The following PTPRD variants were observed in gnomAD, a reference collection of about 807,000 sequenced individuals.
The protein encoded by PTPRD is receptor-type tyrosine-protein phosphatase delta.
A neutral mutation model predicts 214.5 loss-of-function variants in PTPRD; 34 were observed. The ratio of observed to expected loss-of-function variants is 0.16; its 90% CI spans 0.12 to 0.21. The LOEUF is 0.21. Ranked by LOEUF, PTPRD falls within the 10% of genes least tolerant of loss-of-function variation. The probability of loss-of-function intolerance (pLI) is 1.00; values close to 1 mark genes in which losing one functional copy is unlikely to be tolerated. For synonymous variants in PTPRD, 1,128 were observed against 845.7 expected (o/e 1.33, Z -5.79); for missense variants, 2,545 against 2,398.7 (o/e 1.06, Z -1.27).
At chr9:8,382,348 C>T (rs1280696905) in intron 37 of PTPRD, among the ~76,000 whole-genome samples, 1 of 152,154 alleles carries the variant, frequency 6.6e-6, no homozygotes, top group African/African-American at 2.4e-5. Flanking sequence ...CCTAATCCAG[C>T]ACAGGAGAAC....
At chr9:8,599,810 C>G (rs1386686982) in intron 14 of PTPRD, among the ~76,000 whole-genome samples, 1 of 151,658 alleles carries the variant, frequency 6.6e-6, no homozygotes, top group East Asian at 1.9e-4. Context: ...AGAGACGGGG[C>G]TTCTCCATGT....
At chr9:9,639,777 T>C (rs1442700948) in intron 7 of PTPRD, among the ~76,000 whole-genome samples, 5 of 152,204 alleles carry the variant, frequency 3.3e-5, no homozygotes, top group Admixed American at 2.0e-4. Context: ...AAGTATTATA[T>C]CCATTGTTCC....
rs139804050 is a variant in PTPRD at position 10,245,758 on chromosome 9, C to T, written c.-545+95205G>A. Among the ~76,000 whole-genome samples the T allele has an allele frequency of 2.8e-3, 432 of 152,154 alleles. 6 individuals are homozygous for T. Among genetic ancestry groups the T allele is most frequent in the Admixed American group, 0.023 (355 of 15,256 alleles). On this transcript the variant is annotated intron_variant, in intron 3 of 45. Transcript: ENST00000381196. ...TGTGTGTATTGGGACAGGGGGAAGA[C>T]AGATGTGGCAGGGAGAGAGATTGAT...
rs1596306172 is a variant in PTPRD at position 10,291,738 on chromosome 9, G to A, written c.-545+49225C>T. 2.6e-5 allele frequency among the ~76,000 whole-genome samples: 4 copies of A among 152,130 alleles called. No homozygotes were observed. In the South Asian group the frequency reaches 8.3e-4, roughly 32 times the overall value. On this transcript the variant is annotated intron_variant, in intron 3 of 45. Coordinates refer to ENST00000381196, the MANE Select transcript of PTPRD (RefSeq NM_002839.4). The stretch of plus-strand genomic sequence containing the variant: ...ACAGTGAAACTTATTTCAGACTTCT[G>A]GACTCCAGGACTGTACAAAAATAAT...
At chr9:8,557,237 T>C (rs1472339375) in intron 14 of PTPRD, among the ~76,000 whole-genome samples, 3 of 151,894 alleles carry the variant, frequency 2.0e-5, no homozygotes, top group African/African-American at 7.3e-5. Flanking sequence ...CTCAGTGGTC[T>C]TGACAACGGT....
intron 3 of PTPRD, among the ~76,000 whole-genome samples, chr9:10,272,415 G>A (rs10809051): frequency 0.026 from 3,937 of 152,102 alleles, 238 homozygotes; most frequent in East Asian, 0.14. Context: ...GAACATTTAC[G>A]TACAAATTTT....
At chr9:9,373,519 G>C (rs548534225) in intron 9 of PTPRD, among the ~76,000 whole-genome samples, 161 of 152,136 alleles carry the variant, frequency 1.1e-3, no homozygotes, top group African/African-American at 3.8e-3. Context: ...TTCAGGACTG[G>C]TTCTTTCTGG....
At chr9:10,320,472 C>A (rs540723277) in intron 3 of PTPRD, among the ~76,000 whole-genome samples, 1 of 152,122 alleles carries the variant, frequency 6.6e-6, no homozygotes, top group Middle Eastern at 3.4e-3. Context: ...TTGTCATGTG[C>A]TTGGTAGGCA....
chr9:8,556,558 A>ATATTTCTTTTTTTTTTTTTTTTTTT (rs1009884650), intron 14 of PTPRD, among the ~76,000 whole-genome samples: 1 of 152,140 alleles, frequency 6.6e-6, no homozygotes, highest in African/African-American at 2.4e-5. Context: ...TGTGTATTTT[A>ATATTTCTTTTTTTTTTTTTTTTTTT]TATTTCTTTA....
intron 4 of PTPRD, among the ~76,000 whole-genome samples, chr9:10,024,228 T>C (rs1424080745): frequency 6.6e-6 from 1 of 152,144 alleles, no homozygotes; most frequent in Non-Finnish European, 1.5e-5. Context: ...ATTTAAGTAA[T>C]GAATTTAATT....
intron 10 of PTPRD, among the ~76,000 whole-genome samples, chr9:9,157,965 G>A (rs1181530570): frequency 6.6e-6 from 1 of 152,132 alleles, no homozygotes; most frequent in African/African-American, 2.4e-5. Flanking sequence ...GTAAGAACAT[G>A]TAGTGTTCGG....
At chr9:10,030,923 A>C (rs73641812) in intron 4 of PTPRD, among the ~76,000 whole-genome samples, 114 of 152,342 alleles carry the variant, frequency 7.5e-4, no homozygotes, top group African/African-American at 2.6e-3. Flanking sequence ...GTAGCAAACC[A>C]ACTTTTCCCT....
At chr9:9,601,153 G>GTGTGTGTAT (rs200355226) in intron 7 of PTPRD, among the ~76,000 whole-genome samples, 7 of 94,088 alleles carry the variant, frequency 7.4e-5, no homozygotes, top group African/African-American at 1.5e-4. Flanking sequence ...GTGTGTGTAT[G>GTGTGTGTAT]GGGGGGGGAG....
chr9:9,168,224 T>C (rs1329669287), intron 10 of PTPRD, among the ~76,000 whole-genome samples: 1 of 152,194 alleles, frequency 6.6e-6, no homozygotes, highest in Non-Finnish European at 1.5e-5. Context: ...TATGGCCCTT[T>C]ACAGTAAAAG....
intron 9 of PTPRD, among the ~76,000 whole-genome samples, chr9:9,184,867 T>C (rs2099930381): frequency 1.3e-5 from 2 of 152,066 alleles, no homozygotes; most frequent in South Asian, 4.1e-4. Flanking sequence ...TTATTCTAAA[T>C]AGTTATTCCT....
At chr9:10,605,445 G>A (rs59376293) in intron 2 of PTPRD, among the ~76,000 whole-genome samples, 3,807 of 151,848 alleles carry the variant, frequency 0.025, 162 homozygotes, top group African/African-American at 0.086. Context: ...ATGCTTTACT[G>A]CCTTTCTAGA....
At chr9:9,135,371 G>A (rs891795911) in intron 10 of PTPRD, among the ~76,000 whole-genome samples, 3 of 152,112 alleles carry the variant, frequency 2.0e-5, no homozygotes, top group African/African-American at 7.2e-5. Context: ...CCTAGTTCTG[G>A]ATTGAATTTT....
chr9:9,940,183 A>G (rs2091021009), intron 4 of PTPRD, among the ~76,000 whole-genome samples: 2 of 152,154 alleles, frequency 1.3e-5, no homozygotes, highest in South Asian at 4.1e-4. Context: ...AGAGTCAGAT[A>G]TATAGTGGGC....
chr9:10,094,236 T>C (rs1404747462), intron 3 of PTPRD, among the ~76,000 whole-genome samples: 2 of 151,438 alleles, frequency 1.3e-5, no homozygotes, highest in Admixed American at 1.3e-4. Flanking sequence ...CTTCTTTCTT[T>C]ATATATAAAT....
Sources: gnomAD v4.1 joint callset for allele counts (sites outside exome capture counted in the v4.1 genomes callset) on GRCh38, gnomAD v4.1.1 for gene constraint, MANE v1.5 for transcripts, NCBI Gene and HGNC (gene_info 2026-07-23, HGNC 2026-07-21) for gene names.